TWNK: variants seen among roughly 807,000 people sequenced by gnomAD.
TWNK encodes T7 gp4-like protein with intramitochondrial nucleoid localization.
Under a neutral mutation model 58.2 loss-of-function variants are expected in TWNK, and 36 were observed. That is an observed-to-expected ratio of 0.62 (90% confidence interval 0.47 to 0.82). The LOEUF is 0.82. Ranked by LOEUF, TWNK falls within the 40% of genes least tolerant of loss-of-function variation. The pLI, the probability that TWNK is intolerant of heterozygous loss-of-function variation, is 0.00. For synonymous variants in TWNK, 349 were observed against 348.5 expected, an observed-to-expected ratio of 1.00 and a Z score of -0.02; for missense variants, 714 against 881.0, an observed-to-expected ratio of 0.81 and a Z score of 2.40.
chr10:100,990,530 C>G lies in TWNK; in HGVS notation c.1579C>G (p.Leu527Val). The stretch of plus-strand genomic sequence containing the variant: ...GCAGTTCATGATGGGTCACGAGCAG[C>G]TGTCCACAGACAGGTGACGGTGACA... ...NLQFMMGHEQ[L>V]STDRIAAQDY... Residue 527 changes from leucine to valine, a missense_variant, in exon 3 of 5, where the codon CTG (leucine) becomes GTG (valine). Leu to Val is a conservative substitution (Grantham distance 32). Transcript: ENST00000311916. 1 of 1,614,184 alleles carries G rather than the reference C, an allele frequency of 6.2e-7. No homozygotes were observed. Among genetic ancestry groups the G allele is most frequent in the Non-Finnish European group, 8.5e-7 (1 of 1,180,006 alleles).
In TWNK at chr10:100,993,412, T is replaced by A; in HGVS notation, c.1957T>A (p.Ser653Thr). The change falls in exon 5 of 5, where the codon TCT becomes ACT. Residue 653 changes from serine (S) to threonine (T), a missense_variant. Ser to Thr is a moderately conservative substitution (Grantham distance 58, BLOSUM62 1). Transcript: ENST00000311916. The part of the protein sequence containing the change: ...DDTGPVAKKP[S>T]SGKKGATTQN... ...CACTGGACCAGTGGCCAAAAAGCCCTCTTCTGGCAAAAAGGGGGCTACGAC... is the reference window on the plus strand; with the variant it reads ...CACTGGACCAGTGGCCAAAAAGCCCACTTCTGGCAAAAAGGGGGCTACGAC... The A allele has an allele frequency of 6.2e-7, 1 of 1,614,118 alleles. No individual in the cohort carries two copies. Among genetic ancestry groups the A allele is most frequent in the Non-Finnish European group, 8.5e-7 (1 of 1,180,004 alleles).
Position 100,988,079 on chromosome 10 carries a change from G to T in TWNK, c.-132G>T. 9.5e-7 allele frequency: 1 copy of T among 1,057,992 alleles called. No homozygotes were observed. The allele number at this position is 1,057,992 out of a possible 1,614,324, so 65.5% of individuals were successfully genotyped here. A position where few individuals can be genotyped will look rare whatever the true frequency, so the allele number is the denominator to read the frequency against. On this transcript the variant is annotated 5_prime_UTR_variant, in exon 1 of 5. An upstream open reading frame in the 5' UTR gains an earlier in-frame stop. Transcript: ENST00000311916. The surrounding 1 kb of genome is among the most constrained non-coding windows in gnomAD (Gnocchi z 5.2). The stretch of plus-strand genomic sequence containing the variant: ...AGGGGCTGAAGAGGAGAAATTCATG[G>T]AGAGAAAGAATGCACCTAGAGTGAG...
chr10:100,992,141 T>C (rs1178674885), intron 4 of TWNK, among the ~76,000 whole-genome samples: 2 of 146,194 alleles, frequency 1.4e-5, no homozygotes, highest in East Asian at 4.1e-4. Context: ...AGGTTGAGAC[T>C]GCAGTGAGCC....
Position 100,988,790 on chromosome 10 carries a change from A to G in TWNK, c.580A>G (p.Ser194Gly). 1 of 1,614,184 alleles carries G rather than the reference A, an allele frequency of 6.2e-7. No homozygotes were observed. Among genetic ancestry groups the G allele is most frequent in the East Asian group, 2.2e-5 (1 of 44,884 alleles). The stretch of plus-strand genomic sequence containing the variant: ...TACAGATGACACACTCAAGCGTTTC[A>G]GTGTGCGATATCTGCGACCTGCTCG... ...KVTDDTLKRF[S>G]VRYLRPARSL... Residue 194 changes from serine to glycine, a missense_variant, in exon 1 of 5, where the codon AGT (serine) becomes GGT (glycine). By Grantham distance (56) the Ser-to-Gly change is moderately conservative. This residue lies in a region of TWNK where 348 missense variants were observed against 388.4 expected (regional missense o/e 0.90). Coordinates refer to ENST00000311916, the MANE Select transcript of TWNK (RefSeq NM_021830.5). The surrounding 1 kb of genome is among the most constrained non-coding windows in gnomAD (Gnocchi z 5.2).
In TWNK at chr10:100,989,621, A is replaced by C. The variant is rs748204283; in HGVS notation, c.1244-23A>C. 6.2e-7 allele frequency: 1 copy of C among 1,613,792 alleles called. No homozygotes were observed. The highest frequency in any genetic ancestry group is 8.5e-7 in the Non-Finnish European group (1 of 1,180,020). ...CAAGGGTAGGACTTCCTCCTCACCC[A>C]GGTCTGTTCCACCCCACTGCAGGGC... is the stretch of plus-strand genomic sequence containing the variant. On this transcript the variant is annotated intron_variant, in intron 1 of 4. Transcript: ENST00000311916. The surrounding 1 kb of genome is among the most constrained non-coding windows in gnomAD (Gnocchi z 7.6).
At chr10:100,991,333 G>A in intron 4 of TWNK, 1 of 402,132 alleles carries the variant, frequency 2.5e-6, no homozygotes, top group Non-Finnish European at 4.6e-6. Context: ...GTCAGCCCGG[G>A]ACATCTGGGA....
At chr10:100,991,386 G>A (rs1851770313) in intron 4 of TWNK, among the ~76,000 whole-genome samples, 1 of 152,210 alleles carries the variant, frequency 6.6e-6, no homozygotes, top group African/African-American at 2.4e-5. Context: ...TTGAGGTTTG[G>A]TAGACAATGG....
At position 100,988,071 on chromosome 10, in the gene TWNK, A is replaced by G. The variant is rs1256276398; in HGVS notation, c.-140A>G. The G allele has an allele frequency of 9.9e-5, 100 of 1,015,220 alleles. No individual in the cohort carries two copies. In the East Asian group the frequency reaches 1.9e-3, roughly 20 times the overall value. 62.9% of individuals were successfully genotyped at this position (1,015,220 alleles called of 1,614,324 possible). A position where few individuals can be genotyped will look rare whatever the true frequency, so the allele number is the denominator to read the frequency against. On this transcript the variant is annotated 5_prime_UTR_variant, in exon 1 of 5. Coordinates refer to ENST00000311916, the MANE Select transcript of TWNK (RefSeq NM_021830.5). This position sits in a 1 kb window ranked among gnomAD's most constrained non-coding sequence, Gnocchi z 5.2. The stretch of plus-strand genomic sequence containing the variant: ...CAACGTAGAGGGGCTGAAGAGGAGA[A>G]ATTCATGGAGAGAAAGAATGCACCT...
intron 4 of TWNK, 112 bp from the exon 5 acceptor site, chr10:100,993,078 A>G: frequency 8.7e-7 from 1 of 1,145,620 alleles, no homozygotes; most frequent in Non-Finnish European, 1.3e-6. Context: ...GAGCCATTGT[A>G]CCCAGCCCCT....
At position 100,989,563 on chromosome 10, in the gene TWNK, C is replaced by G. The variant is rs772274141; in HGVS notation, c.1244-81C>G. The G allele has an allele frequency of 1.5e-5, 24 of 1,611,174 alleles. No individual in the cohort carries two copies. Among genetic ancestry groups the G allele is most frequent in the Non-Finnish European group, 2.0e-5 (24 of 1,179,262 alleles). On this transcript the variant is annotated intron_variant, in intron 1 of 4. Coordinates refer to ENST00000311916, the MANE Select transcript of TWNK (RefSeq NM_021830.5). This position sits in a 1 kb window ranked among gnomAD's most constrained non-coding sequence, Gnocchi z 7.6. ...TGAAAAGAAGGTTGGCCCTTTCCCCCCAGTTTTAAAGCCCTGACCTATGTC... is the reference window on the plus strand; with the variant it reads ...TGAAAAGAAGGTTGGCCCTTTCCCCGCAGTTTTAAAGCCCTGACCTATGTC...
chr10:100,992,704 T>C (rs771133623), intron 4 of TWNK, among the ~76,000 whole-genome samples: 4 of 151,998 alleles, frequency 2.6e-5, no homozygotes, highest in Non-Finnish European at 5.9e-5. Context: ...ACTGAAAGAT[T>C]TGAGTGGCCC....
At chr10:100,990,323 A>T (rs1851733644) in intron 2 of TWNK, 113 bp from the exon 3 acceptor site, 1 of 818,072 alleles carries the variant, frequency 1.2e-6, no homozygotes, top group Non-Finnish European at 2.1e-6. Context: ...AAATAATAGT[A>T]ATAATAATAG....
In TWNK at chr10:100,988,392, G is replaced by A. The variant is rs1851643991; in HGVS notation, c.182G>A (p.Arg61His). The A allele has an allele frequency of 6.2e-7, 1 of 1,614,254 alleles. No individual in the cohort carries two copies. The highest frequency in any genetic ancestry group is 8.5e-7 in the Non-Finnish European group (1 of 1,180,046). ...TTGCCTGTAACTGCAACTGAAATCC[G>A]CCAGTATTTGCGGGGGCATGGGATC... The part of the protein sequence containing the change: ...PVLPVTATEI[R>H]QYLRGHGIPF... Residue 61 changes from arginine to histidine, a missense_variant, in exon 1 of 5, where the codon CGC becomes CAC. Arg to His is a conservative substitution (Grantham distance 29). Around this residue, in one of 3 missense-constraint regions of TWNK, gnomAD observed 348 missense variants for 388.4 expected, o/e 0.90. Coordinates refer to ENST00000311916, the MANE Select transcript of TWNK (RefSeq NM_021830.5). The surrounding 1 kb of genome is among the most constrained non-coding windows in gnomAD (Gnocchi z 5.2).
At chr10:100,991,087 C>T (rs1851760839) in intron 4 of TWNK, 77 bp downstream of exon 4, 2 of 1,602,462 alleles carry the variant, frequency 1.2e-6, no homozygotes, top group African/African-American at 1.3e-5. Context: ...CTCATTCAGC[C>T]TTAATCGTCT....
Position 100,988,333 on chromosome 10 carries a change from G to C in TWNK, c.123G>C (p.Arg41Ser), listed in dbSNP as rs1322156943. Residue 41 changes from arginine to serine, a missense_variant, in exon 1 of 5, where the codon AGG becomes AGC. Coordinates refer to ENST00000311916, the MANE Select transcript of TWNK (RefSeq NM_021830.5). This position sits in a 1 kb window ranked among gnomAD's most constrained non-coding sequence, Gnocchi z 5.2. ...CAGGCCCTCCTCGCAGACGTTACAGGAAGGAGACTCTCCAAGCCTTGGATA... is the reference window on the plus strand; with the variant it reads ...CAGGCCCTCCTCGCAGACGTTACAGCAAGGAGACTCTCCAAGCCTTGGATA... Reference protein sequence around the residue: ...LAPGPPRRRYRKETLQALDMP... With the variant: ...LAPGPPRRRYSKETLQALDMP... 1 of 1,614,252 alleles carries C rather than the reference G, an allele frequency of 6.2e-7. No homozygotes were observed. The highest frequency in any genetic ancestry group is 8.5e-7 in the Non-Finnish European group (1 of 1,180,044).
At position 100,993,867 on chromosome 10, in the gene TWNK, G is replaced by A; in HGVS notation, c.*357G>A. ...TAGAAATGCGATAGAGTGCTGGCAG[G>A]CTAGTGTAGATAAGTGGTCTGAAAA... On this transcript the variant is annotated 3_prime_UTR_variant, in exon 5 of 5. Transcript: ENST00000311916. The A allele has an allele frequency of 3.2e-6, 1 of 311,614 alleles. No homozygotes were observed. Among genetic ancestry groups the A allele is most frequent in the Non-Finnish European group, 6.1e-6 (1 of 162,900 alleles). The allele number at this position is 311,614 out of a possible 1,614,324, so 19.3% of individuals were successfully genotyped here.
In TWNK at chr10:100,987,648, CGGA is replaced by C. The variant is rs1210129762; in HGVS notation, c.-561_-559del. ...GGCTGGGGGCCGGCGCGGCGGAGCTCGGAGTAGTAGAGCGGAGTGAAGACACGG... is the reference window on the plus strand; with the variant it reads ...GGCTGGGGGCCGGCGCGGCGGAGCTCGTAGTAGAGCGGAGTGAAGACACGG... On this transcript the variant is annotated 5_prime_UTR_variant, in exon 1 of 5. Transcript: ENST00000311916. 1.5e-6 allele frequency: 1 copy of C among 681,852 alleles called. No individual in the cohort carries two copies. Among genetic ancestry groups the C allele is most frequent in the Non-Finnish European group, 2.4e-6 (1 of 412,294 alleles). The allele number at this position is 681,852 out of a possible 1,614,324, so 42.2% of individuals were successfully genotyped here.
chr10:100,990,442 A>G lies in TWNK; in HGVS notation c.1491A>G (p.Val497=). 6.2e-7 allele frequency: 1 copy of G among 1,613,454 alleles called. No homozygotes were observed. Among genetic ancestry groups the G allele is most frequent in the Non-Finnish European group, 8.5e-7 (1 of 1,179,350 alleles). Reference sequence around the variant, plus strand: ...TTGCCTTTCCTCTTCCCAGGACTGTAATAGATACAATGCAACATGCAGTCT... The same window carrying G: ...TTGCCTTTCCTCTTCCCAGGACTGTGATAGATACAATGCAACATGCAGTCT... ...TFHGQQSIRT[V]IDTMQHAVYV... The change falls in exon 3 of 5, where the codon GTA becomes GTG. Residue 497 remains valine (V), a synonymous_variant. Transcript: ENST00000311916.
chr10:100,989,548 G>A lies in TWNK; in HGVS notation c.1243+95G>A. 2 of 1,609,564 alleles carry A rather than the reference G, an allele frequency of 1.2e-6. No homozygotes were observed. The highest frequency in any genetic ancestry group is 2.2e-5 in the East Asian group (1 of 44,870). ...GGGCCATGACAATGTTGAAAAGAAG[G>A]TTGGCCCTTTCCCCCCAGTTTTAAA... On this transcript the variant is annotated intron_variant, in intron 1 of 4. Transcript: ENST00000311916. This position sits in a 1 kb window ranked among gnomAD's most constrained non-coding sequence, Gnocchi z 7.6.
Sources: allele counts gnomAD v4.1 joint callset (sites outside exome capture counted in the v4.1 genomes callset), GRCh38; gene constraint gnomAD v4.1.1; regional missense constraint gnomAD v4.1.1; non-coding constraint Gnocchi (gnomAD v3.1); transcripts MANE v1.5; gene names NCBI Gene and HGNC (gene_info 2026-07-23, HGNC 2026-07-21).